Variants in ARHGEF28 observed in about 807,000 individuals in gnomAD.
The protein encoded by ARHGEF28 is 190 kDa guanine nucleotide exchange factor.
In ARHGEF28, 152 loss-of-function variants were observed where a neutral mutation model predicts 206.6. That is an observed-to-expected ratio of 0.74 (90% CI 0.64 to 0.84). ARHGEF28 has a LOEUF of 0.84. Among genes scored for constraint, ARHGEF28 ranks in the 40% least tolerant of loss-of-function variants. The pLI is 0.00. For missense variants in ARHGEF28, 2,028 were observed against 2,073.2 expected (o/e 0.98, Z 0.42); for synonymous variants, 763 against 776.4 (o/e 0.98, Z 0.29).
intron 1 of ARHGEF28, among the ~76,000 whole-genome samples, chr5:73,643,747 C>G (rs1272833124): frequency 6.8e-6 from 1 of 147,414 alleles, no homozygotes; most frequent in African/African-American, 2.6e-5. Context: ...CCCAGGAGGC[C>G]AAGGCTGCAG....
intron 15 of ARHGEF28, 137 bp downstream of exon 15, chr5:73,857,916 A>C (rs1006446811): frequency 2.9e-6 from 4 of 1,386,462 alleles, no homozygotes; most frequent in Non-Finnish European, 3.9e-6. Flanking sequence ...AATATTGCTA[A>C]AGCCCAGAAT....
rs1429921641 is a variant in ARHGEF28 at position 73,911,563 on chromosome 5, T to G, written c.4936T>G (p.Ser1646Ala). The G allele has an allele frequency of 1.2e-6, 2 of 1,601,114 alleles. No individual in the cohort carries two copies. Among genetic ancestry groups the G allele is most frequent in the Non-Finnish European group, 8.5e-7 (1 of 1,172,594 alleles). ...ILPFHESSKD[S>A]CKNDLDTSHT... ...TCCTTTCCATGAAAGCAGCAAGGAT[T>G]CTTGTAAAAATGGTAATTAACACTT... Residue 1646 changes from serine (S) to alanine (A), a missense_variant, in exon 35 of 36, where the codon TCT (serine) becomes GCT (alanine). Ser to Ala is a moderately conservative substitution (Grantham distance 99). Transcript: ENST00000513042.
chr5:73,849,211 G>T (rs2112594127), intron 13 of ARHGEF28, 124 bp downstream of exon 13: 3 of 719,912 alleles, frequency 4.2e-6, no homozygotes, highest in Admixed American at 3.4e-5. Flanking sequence ...TTTCATAACT[G>T]GTTTTTCTAA....
chr5:73,804,420 A>G (rs536819035), intron 9 of ARHGEF28, among the ~76,000 whole-genome samples: 207 of 152,312 alleles, frequency 1.4e-3, no homozygotes, highest in Non-Finnish European at 2.5e-3. Context: ...TTAATGCAGG[A>G]CTTGAATTCT....
At chr5:73,824,563 A>C (rs974410698) in intron 9 of ARHGEF28, among the ~76,000 whole-genome samples, 2 of 151,218 alleles carry the variant, frequency 1.3e-5, no homozygotes, top group Non-Finnish European at 2.9e-5. Flanking sequence ...TCTGCCTCCC[A>C]GGTCAAGCGA....
chr5:73,748,345 A>T (rs1394930803), intron 2 of ARHGEF28, among the ~76,000 whole-genome samples: 1 of 151,758 alleles, frequency 6.6e-6, no homozygotes, highest in East Asian at 1.9e-4. Flanking sequence ...CCAACCAGTG[A>T]TTTTTTTTCA....
intron 9 of ARHGEF28, among the ~76,000 whole-genome samples, chr5:73,804,997 C>T (rs1347343612): frequency 6.6e-6 from 1 of 152,160 alleles, no homozygotes; most frequent in Non-Finnish European, 1.5e-5. Flanking sequence ...AATTCTTCTA[C>T]ATGGGAAATT....
chr5:73,902,158 T>A (rs1294442447), intron 31 of ARHGEF28: 1 of 152,214 alleles, frequency 6.6e-6, no homozygotes, highest in Admixed American at 6.5e-5. Context: ...AGAAATCAAG[T>A]CAAGGACTTT....
chr5:73,903,945 G>A (rs1248389563), intron 31 of ARHGEF28: 1 of 469,092 alleles, frequency 2.1e-6, no homozygotes, highest in Non-Finnish European at 3.8e-6. Flanking sequence ...TTTTCAGGGT[G>A]TCCTTACTGT....
chr5:73,636,971 G>A (rs976639793), intron 1 of ARHGEF28, among the ~76,000 whole-genome samples: 13 of 152,166 alleles, frequency 8.5e-5, no homozygotes, highest in African/African-American at 2.7e-4. Context: ...GTGCTTCAGT[G>A]TTGCATCTTT....
intron 22 of ARHGEF28, among the ~76,000 whole-genome samples, chr5:73,875,735 T>A (rs1239513889): frequency 1.3e-5 from 2 of 151,640 alleles, no homozygotes; most frequent in Non-Finnish European, 3.0e-5. Flanking sequence ...GTTGTAGATA[T>A]GCGGCGTTAT....
At chr5:73,796,160 A>G (rs1350464630) in intron 9 of ARHGEF28, among the ~76,000 whole-genome samples, 1 of 152,234 alleles carries the variant, frequency 6.6e-6, no homozygotes. Flanking sequence ...TTGAAGATAC[A>G]GGCTGAGCTA....
Position 73,753,423 on chromosome 5 carries a change from C to T in ARHGEF28, c.475+221C>T, listed in dbSNP as rs368278449. 1.2e-3 allele frequency among the ~76,000 whole-genome samples: 180 copies of T among 152,284 alleles called. 2 individuals carry two copies. Among genetic ancestry groups the T allele is most frequent in the African/African-American group, 4.2e-3 (174 of 41,546 alleles). Reference sequence around the variant, plus strand: ...TGTGGGATAAATGGAAGAGCCTTGTCTCAAGTGGGGAAAGACTGTTTCTTT... The same window carrying T: ...TGTGGGATAAATGGAAGAGCCTTGTTTCAAGTGGGGAAAGACTGTTTCTTT... On this transcript the variant is annotated intron_variant, in intron 4 of 35. Transcript: ENST00000513042.
At chr5:73,845,339 C>T (rs1758268710) in intron 11 of ARHGEF28, among the ~76,000 whole-genome samples, 1 of 152,070 alleles carries the variant, frequency 6.6e-6, no homozygotes, top group South Asian at 2.1e-4. Flanking sequence ...TTTTTAACCT[C>T]TAAAAATGAT....
chr5:73,860,549 T>A (rs973807987), intron 16 of ARHGEF28, among the ~76,000 whole-genome samples: 2 of 152,148 alleles, frequency 1.3e-5, no homozygotes, highest in African/African-American at 2.4e-5. Flanking sequence ...CACTGCCCTC[T>A]TGTCCCTCCT....
intron 2 of ARHGEF28, among the ~76,000 whole-genome samples, chr5:73,693,576 G>A (rs1010921797): frequency 4.6e-5 from 7 of 152,216 alleles, no homozygotes; most frequent in Non-Finnish European, 1.0e-4. Context: ...GCTAAGTCTA[G>A]CTTAGCCAAT....
At chr5:73,914,593 C>T (rs185644345) in intron 35 of ARHGEF28, among the ~76,000 whole-genome samples, 13 of 152,036 alleles carry the variant, frequency 8.6e-5, no homozygotes, top group East Asian at 1.9e-4. Context: ...GACGGAGTTT[C>T]GCCAAGTTGT....
At chr5:73,765,902 C>A (rs1395613531) in intron 4 of ARHGEF28, among the ~76,000 whole-genome samples, 2 of 152,152 alleles carry the variant, frequency 1.3e-5, no homozygotes, top group Non-Finnish European at 2.9e-5. Flanking sequence ...CCTGTAATCC[C>A]AGCACTTTGG....
At chr5:73,773,820 A>T (rs1753378864) in intron 4 of ARHGEF28, 35 bp from the exon 5 acceptor site, 5 of 1,510,354 alleles carry the variant, frequency 3.3e-6, no homozygotes, top group African/African-American at 1.4e-5. Context: ...TTGTAAATGG[A>T]GGAACTAATA....
Sources: allele counts gnomAD v4.1 joint callset (sites outside exome capture counted in the v4.1 genomes callset), GRCh38; gene constraint gnomAD v4.1.1; transcripts MANE v1.5; gene names NCBI Gene and HGNC (gene_info 2026-07-23, HGNC 2026-07-21).